The following PPP1R12A variants were observed in gnomAD, a reference collection of about 807,000 sequenced individuals.
PPP1R12A encodes myosin binding subunit.
Under a neutral mutation model 139.6 loss-of-function variants are expected in PPP1R12A, and 19 were observed. The observed-to-expected ratio is 0.14, with a 90% CI of 0.09 to 0.20. The LOEUF is 0.20. Ranked by LOEUF, PPP1R12A falls within the 10% of genes least tolerant of loss-of-function variation. The pLI, the probability that PPP1R12A is intolerant of heterozygous loss-of-function variation, is 1.00. For synonymous variants in PPP1R12A, 427 were observed against 420.6 expected (o/e 1.02, Z -0.19); for missense variants, 925 against 1,211.5 (o/e 0.76, Z 3.51).
chr12:79,836,179 A>C (rs1878056996), intron 3 of PPP1R12A, among the ~76,000 whole-genome samples: 1 of 152,182 alleles, frequency 6.6e-6, no homozygotes, highest in Non-Finnish European at 1.5e-5. Flanking sequence ...TTTTTATAAA[A>C]ATCAAATGCC....
chr12:79,775,398 CAT>C lies in PPP1R12A; in HGVS notation c.*529_*530del, dbSNP rs1869616410. On this transcript the variant is annotated 3_prime_UTR_variant, in exon 25 of 25. Coordinates refer to ENST00000450142, the MANE Select transcript of PPP1R12A (RefSeq NM_002480.3). ...TTCTGTAATGAAAAAGCTGTGAAAA[CAT>C]AGAAGACTCTGCCACATGAAGAGTT... is the stretch of plus-strand genomic sequence containing the variant. 1 of 152,306 alleles carries C rather than the reference CAT, an allele frequency of 6.6e-6. No individual in the cohort carries two copies. Among genetic ancestry groups the C allele is most frequent in the African/African-American group, 2.4e-5 (1 of 41,410 alleles). The allele number at this position is 152,306 out of a possible 1,614,324, so 9.4% of individuals were successfully genotyped here. A position where few individuals can be genotyped will look rare whatever the true frequency, so the allele number is the denominator to read the frequency against.
chr12:79,834,688 T>C (rs761924879), intron 3 of PPP1R12A, among the ~76,000 whole-genome samples: 6 of 152,188 alleles, frequency 3.9e-5, no homozygotes, highest in South Asian at 2.1e-4. Context: ...GTCAGAGATA[T>C]CAAGTAATCA....
At chr12:79,870,026 C>G (rs552302858) in intron 2 of PPP1R12A, among the ~76,000 whole-genome samples, 142 of 151,902 alleles carry the variant, frequency 9.3e-4, no homozygotes, top group Non-Finnish European at 1.5e-3. Context: ...TTTCTATACC[C>G]AAGAAAACTA....
At chr12:79,785,877 T>G (rs996157131) in intron 22 of PPP1R12A, among the ~76,000 whole-genome samples, 2 of 152,132 alleles carry the variant, frequency 1.3e-5, no homozygotes, top group Non-Finnish European at 2.9e-5. Context: ...GGTTGTGAGT[T>G]TTGCTTGGCC....
At chr12:79,931,024 GT>G (rs1565822964) in intron 1 of PPP1R12A, among the ~76,000 whole-genome samples, 5 of 152,164 alleles carry the variant, frequency 3.3e-5, no homozygotes, top group African/African-American at 1.2e-4. Context: ...AGATAGACCT[GT>G]TTTAGGTTGA....
chr12:79,891,048 GAA>G (rs1005677042), intron 1 of PPP1R12A, among the ~76,000 whole-genome samples: 1 of 149,870 alleles, frequency 6.7e-6, no homozygotes, highest in Admixed American at 6.6e-5. Context: ...GACATGGAAA[GAA>G]AAAAAAAGTT....
At chr12:79,851,284 T>C (rs945703007) in intron 2 of PPP1R12A, among the ~76,000 whole-genome samples, 1 of 152,136 alleles carries the variant, frequency 6.6e-6, no homozygotes, top group Non-Finnish European at 1.5e-5. Flanking sequence ...AAATGCAAAA[T>C]AGTAAATAAT....
At chr12:79,837,686 A>G (rs1015789290) in intron 3 of PPP1R12A, among the ~76,000 whole-genome samples, 1 of 152,148 alleles carries the variant, frequency 6.6e-6, no homozygotes. Flanking sequence ...ATAGTGAGTG[A>G]GTTCTCACAA....
rs1873731885 is a variant in PPP1R12A, at chr12:79,805,624, G to C, written c.1968C>G (p.Val656=). The change falls in exon 14 of 25, where the codon GTC becomes GTG. Residue 656 remains valine, a synonymous_variant. Coordinates refer to ENST00000450142, the MANE Select transcript of PPP1R12A (RefSeq NM_002480.3). ...TCTCCCTGACCTCTGTTGTGGAGGA[G>C]ACAGTGCCAGCAGTAGTTGTAGTCA... The part of the protein sequence containing the change: ...TTLTTTTAGT[V]SSTTEVRERR... 6.2e-7 allele frequency: 1 copy of C among 1,613,654 alleles called. No homozygotes were observed. The highest frequency in any genetic ancestry group is 1.7e-5 in the Admixed American group (1 of 59,966).
rs1228911736 is a variant in PPP1R12A, at chr12:79,793,719, C to G, written c.2649+144G>C. Reference sequence around the variant, plus strand: ...TCCCAGTCCTTTTAATCCTGATCCCCAGGCAAACACTGATATTGCATACCC... The same window carrying G: ...TCCCAGTCCTTTTAATCCTGATCCCGAGGCAAACACTGATATTGCATACCC... On this transcript the variant is annotated intron_variant, in intron 19 of 24. Coordinates refer to ENST00000450142, the MANE Select transcript of PPP1R12A (RefSeq NM_002480.3). 2.2e-5 allele frequency: 13 copies of G among 588,764 alleles called. No homozygotes were observed. The Admixed American group carries it at 4.2e-4, about 19-fold the overall frequency. The allele number at this position is 588,764 out of a possible 1,614,324, so 36.5% of individuals were successfully genotyped here. A position where few individuals can be genotyped will look rare whatever the true frequency, so the allele number is the denominator to read the frequency against.
At chr12:79,782,364 T>A (rs1870560902) in intron 22 of PPP1R12A, 1 of 246,366 alleles carries the variant, frequency 4.1e-6, no homozygotes, top group Non-Finnish European at 8.2e-6. Flanking sequence ...CACTCTAGGT[T>A]TCTTTTCCAA....
At position 79,809,969 on chromosome 12, in the gene PPP1R12A, C is replaced by T. The variant is rs774998859; in HGVS notation, c.1281G>A (p.Glu427=). The T allele has an allele frequency of 6.2e-7, 1 of 1,613,260 alleles. No homozygotes were observed. The highest frequency in any genetic ancestry group is 1.1e-5 in the South Asian group (1 of 90,878). The change falls in exon 10 of 25, where the codon GAG becomes GAA. Residue 427 remains glutamate (E), a synonymous_variant. Coordinates refer to ENST00000450142, the MANE Select transcript of PPP1R12A (RefSeq NM_002480.3). ...AAGTTGCAGGAGACTCATCTTTTCT[C>T]TCTTCTTCTTTGGGAGAAATTTTTG... ...TATKISPKEE[E]RKDESPATWR...
chr12:79,811,890 G>A (rs141841183), intron 9 of PPP1R12A, among the ~76,000 whole-genome samples: 2 of 152,008 alleles, frequency 1.3e-5, no homozygotes, highest in African/African-American at 4.8e-5. Context: ...GGAAACAAAC[G>A]TTTTTTCCCC....
intron 2 of PPP1R12A, among the ~76,000 whole-genome samples, chr12:79,860,843 A>G (rs1881230615): frequency 6.6e-6 from 1 of 152,168 alleles, no homozygotes; most frequent in Admixed American, 6.5e-5. Context: ...ACTTTGAATG[A>G]TTTCAGTAAT....
chr12:79,815,904 C>T (rs1875311026), intron 9 of PPP1R12A, among the ~76,000 whole-genome samples: 1 of 152,128 alleles, frequency 6.6e-6, no homozygotes, highest in South Asian at 2.1e-4. Flanking sequence ...ATGAAACCAA[C>T]ACGTTTCTAC....
chr12:79,850,570 T>C (rs1879923914), intron 2 of PPP1R12A, among the ~76,000 whole-genome samples: 1 of 152,190 alleles, frequency 6.6e-6, no homozygotes, highest in Non-Finnish European at 1.5e-5. Context: ...AGAAAGCAAT[T>C]ATCAGCAAGA....
intron 1 of PPP1R12A, among the ~76,000 whole-genome samples, chr12:79,921,070 AT>A (rs1887398497): frequency 1.3e-5 from 2 of 152,262 alleles, no homozygotes; most frequent in African/African-American, 4.8e-5. Context: ...CTGTTGGTAT[AT>A]TTTTGCTCAA....
chr12:79,831,224 A>G (rs948004513), intron 4 of PPP1R12A, among the ~76,000 whole-genome samples: 14 of 152,128 alleles, frequency 9.2e-5, no homozygotes, highest in Admixed American at 7.2e-4. Flanking sequence ...GAAAACTAAT[A>G]AAAAGGCAAC....
chr12:79,814,837 A>AAAAAAAAAAAAT (rs1255673726), intron 9 of PPP1R12A, among the ~76,000 whole-genome samples: 3 of 151,044 alleles, frequency 2.0e-5, no homozygotes, highest in African/African-American at 2.4e-5. Context: ...AAAAAAAAAA[A>AAAAAAAAAAAAT]AAAATTCAAA....
Sources: allele counts gnomAD v4.1 joint callset (sites outside exome capture counted in the v4.1 genomes callset), GRCh38; gene constraint gnomAD v4.1.1; transcripts MANE v1.5; gene names NCBI Gene and HGNC (gene_info 2026-07-23, HGNC 2026-07-21).